The following PCDH15 variants were observed in gnomAD, a reference collection of about 807,000 sequenced individuals.
The protein encoded by PCDH15 is protocadherin-15.
In PCDH15, 129 loss-of-function variants were observed where a neutral mutation model predicts 178.5. That is an observed-to-expected ratio of 0.72 (90% CI 0.63 to 0.84). PCDH15 has a LOEUF of 0.84. Ranked by LOEUF, PCDH15 falls within the 40% of genes least tolerant of loss-of-function variation. The pLI is 0.00. For synonymous variants in PCDH15, 800 were observed against 732.0 expected, an observed-to-expected ratio of 1.09 and a Z score of -1.50; for missense variants, 2,230 against 2,099.9, an observed-to-expected ratio of 1.06 and a Z score of -1.21.
intron 2 of PCDH15, among the ~76,000 whole-genome samples, chr10:54,584,995 T>G (rs1348504166): frequency 2.0e-5 from 3 of 152,150 alleles, no homozygotes; most frequent in African/African-American, 7.2e-5. Context: ...AATGGTAGGT[T>G]TGCTTTCATT....
At chr10:54,858,227 T>G (rs1453557137) in intron 3 of PCDH15, among the ~76,000 whole-genome samples, 1 of 152,194 alleles carries the variant, frequency 6.6e-6, no homozygotes, top group Non-Finnish European at 1.5e-5. Context: ...TTCATTTTTT[T>G]GTAAATGACA....
chr10:54,138,724 T>C (rs1225440251), intron 14 of PCDH15, among the ~76,000 whole-genome samples: 1 of 152,148 alleles, frequency 6.6e-6, no homozygotes, highest in Non-Finnish European at 1.5e-5. Flanking sequence ...TGAAAACTAT[T>C]CTACCCAAAA....
At chr10:55,534,260 G>C (rs1419342589) in intron 2 of PCDH15, among the ~76,000 whole-genome samples, 1 of 151,914 alleles carries the variant, frequency 6.6e-6, no homozygotes, top group African/African-American at 2.4e-5. Flanking sequence ...CCGAGCAAAA[G>C]AAACTATCAT....
At chr10:54,275,729 C>A (rs1169493735) in intron 8 of PCDH15, among the ~76,000 whole-genome samples, 1 of 151,536 alleles carries the variant, frequency 6.6e-6, no homozygotes, top group Non-Finnish European at 1.5e-5. Flanking sequence ...ATCTCCCTTG[C>A]TGACAGAAAG....
chr10:54,742,306 A>G (rs1249580781), intron 1 of PCDH15, among the ~76,000 whole-genome samples: 2 of 151,962 alleles, frequency 1.3e-5, no homozygotes, highest in Non-Finnish European at 2.9e-5. Context: ...TTATTCCTAC[A>G]GTGTGTATGG....
intron 37 of PCDH15, among the ~76,000 whole-genome samples, chr10:53,807,392 T>C (rs1376035551): frequency 6.6e-6 from 1 of 152,146 alleles, no homozygotes; most frequent in Non-Finnish European, 1.5e-5. Context: ...ATGTATTCTT[T>C]TAGATCAAAT....
intron 2 of PCDH15, among the ~76,000 whole-genome samples, chr10:54,611,453 G>A (rs2092958360): frequency 2.0e-5 from 3 of 151,826 alleles, no homozygotes; most frequent in South Asian, 4.1e-4. Context: ...CCCACTATAA[G>A]CTTAAGTTTA....
intron 15 of PCDH15, among the ~76,000 whole-genome samples, chr10:54,111,964 C>T (rs4007258): frequency 0.66 from 89,210 of 135,124 alleles, 29,120 homozygotes; most frequent in East Asian, 0.99. Context: ...CCATCTCTAC[C>T]AAAAATACAA....
At chr10:55,560,248 C>A (rs2132097881) in intron 2 of PCDH15, among the ~76,000 whole-genome samples, 1 of 151,936 alleles carries the variant, frequency 6.6e-6, no homozygotes, top group Middle Eastern at 3.4e-3. Flanking sequence ...GGAAGATGGC[C>A]AGAACACAAA....
At chr10:55,553,863 G>A (rs926123000) in intron 2 of PCDH15, among the ~76,000 whole-genome samples, 5 of 151,840 alleles carry the variant, frequency 3.3e-5, no homozygotes, top group African/African-American at 1.2e-4. Context: ...ATATCTATAC[G>A]TCCTTAAAGA....
chr10:53,939,024 G>T (rs1447853764), intron 24 of PCDH15, 69 bp from the exon 25 acceptor site: 6 of 1,503,834 alleles, frequency 4.0e-6, no homozygotes, highest in Admixed American at 1.7e-5. Flanking sequence ...TCTTTAAAAG[G>T]CACTGTGATT....
At chr10:54,492,747 A>G (rs1026038406) in intron 3 of PCDH15, among the ~76,000 whole-genome samples, 3 of 152,246 alleles carry the variant, frequency 2.0e-5, no homozygotes, top group Admixed American at 1.3e-4. Flanking sequence ...GTGTATTGTT[A>G]TAACTGTTCA....
intron 1 of PCDH15, among the ~76,000 whole-genome samples, chr10:55,182,170 G>T (rs1020083014): frequency 1.3e-5 from 2 of 151,952 alleles, no homozygotes; most frequent in Admixed American, 6.6e-5. Flanking sequence ...CTTCAGGGAG[G>T]TATATTGGAA....
chr10:55,385,776 T>G (rs1034731343), intron 2 of PCDH15, among the ~76,000 whole-genome samples: 1 of 144,910 alleles, frequency 6.9e-6, no homozygotes, highest in Non-Finnish European at 1.5e-5. Context: ...TATACGTATA[T>G]AGATATGCAT....
At chr10:53,878,973 C>T (rs1589220080) in intron 26 of PCDH15, among the ~76,000 whole-genome samples, 1 of 152,202 alleles carries the variant, frequency 6.6e-6, no homozygotes, top group African/African-American at 2.4e-5. Flanking sequence ...AATATTCACT[C>T]GGGTGTAAAA....
chr10:55,166,279 G>T (rs777584889), intron 2 of PCDH15, among the ~76,000 whole-genome samples: 2 of 152,030 alleles, frequency 1.3e-5, no homozygotes, highest in African/African-American at 2.4e-5. Flanking sequence ...AATCAATGAA[G>T]AATAATAAAT....
At chr10:55,421,110 T>A (rs913172193) in intron 2 of PCDH15, among the ~76,000 whole-genome samples, 2 of 151,528 alleles carry the variant, frequency 1.3e-5, no homozygotes. Context: ...CCAACTGATC[T>A]AAACATATGA....
intron 2 of PCDH15, among the ~76,000 whole-genome samples, chr10:55,156,556 C>A (rs1314524986): frequency 6.6e-6 from 1 of 152,094 alleles, no homozygotes; most frequent in Non-Finnish European, 1.5e-5. Context: ...TGCTTTCTAT[C>A]AGGAGTTAGA....
chr10:54,355,718 T>C (rs907774655), intron 5 of PCDH15, among the ~76,000 whole-genome samples: 1 of 152,040 alleles, frequency 6.6e-6, no homozygotes, highest in African/African-American at 2.4e-5. Flanking sequence ...GTACCTGCAT[T>C]TTAGGAAACT....
Sources: allele counts gnomAD v4.1 joint callset (sites outside exome capture counted in the v4.1 genomes callset), GRCh38; gene constraint gnomAD v4.1.1; transcripts MANE v1.5; gene names NCBI Gene and HGNC (gene_info 2026-07-23, HGNC 2026-07-21).